The following UBAP2 variants were observed in gnomAD, a reference collection of about 807,000 sequenced individuals.
UBAP2 encodes ubiquitin associated protein 2.
UBAP2 carries 75 observed loss-of-function variants against 139.6 expected under a neutral mutation model. That is an observed-to-expected ratio of 0.54 (90% CI 0.45 to 0.65). UBAP2 has a LOEUF of 0.65. UBAP2 is among the 30% of genes least tolerant of loss of function. UBAP2 has a pLI of 0.00. For missense variants in UBAP2, 1,368 were observed against 1,369.6 expected, an observed-to-expected ratio of 1.00 and a Z score of 0.02; for synonymous variants, 526 against 526.2, an observed-to-expected ratio of 1.00 and a Z score of 0.01.
intron 20 of UBAP2, among the ~76,000 whole-genome samples, chr9:33,927,596 A>C (rs1823560838): frequency 6.6e-6 from 1 of 152,204 alleles, no homozygotes; most frequent in Non-Finnish European, 1.5e-5. Context: ...GAAAAGCTAG[A>C]AGCACGCAGA....
intron 1 of UBAP2, among the ~76,000 whole-genome samples, chr9:34,026,804 C>T (rs1447905167): frequency 6.6e-6 from 1 of 152,198 alleles, no homozygotes; most frequent in Non-Finnish European, 1.5e-5. Context: ...AGGCAGTATT[C>T]AAACCCAGGA....
At chr9:34,032,916 CAA>C (rs71506153) in intron 1 of UBAP2, among the ~76,000 whole-genome samples, 83 of 118,012 alleles carry the variant, frequency 7.0e-4, no homozygotes, top group Admixed American at 8.0e-4. Flanking sequence ...ACCCTGTCTT[CAA>C]AAAAAAAAAA....
intron 26 of UBAP2, 43 bp downstream of exon 26, chr9:33,923,143 C>G: frequency 6.2e-7 from 1 of 1,612,456 alleles, no homozygotes; most frequent in Non-Finnish European, 8.5e-7. Flanking sequence ...GGCAGGAGCC[C>G]ACCACTCCAG....
chr9:33,971,116 A>G (rs924578119), intron 8 of UBAP2, among the ~76,000 whole-genome samples: 8 of 152,132 alleles, frequency 5.3e-5, no homozygotes, highest in East Asian at 1.9e-4. Flanking sequence ...TTATGTTTCT[A>G]TAAGTATAAT....
At chr9:34,023,855 TA>T (rs1422102228) in intron 1 of UBAP2, among the ~76,000 whole-genome samples, 12 of 151,678 alleles carry the variant, frequency 7.9e-5, no homozygotes, top group Admixed American at 7.9e-4. Context: ...CCATCCTGGC[TA>T]ATAAGGTGAA....
At chr9:33,936,951 A>C (rs1160040552) in intron 16 of UBAP2, among the ~76,000 whole-genome samples, 1 of 133,162 alleles carries the variant, frequency 7.5e-6, no homozygotes, top group Non-Finnish European at 1.6e-5. Context: ...AAAAAAAAAA[A>C]ACAGTCTGAA....
chr9:34,037,209 C>G (rs534880221), intron 1 of UBAP2, among the ~76,000 whole-genome samples: 1 of 152,076 alleles, frequency 6.6e-6, no homozygotes, highest in South Asian at 2.1e-4. Context: ...AGGATGGTCT[C>G]GATCTCCTGA....
At chr9:33,990,350 A>G (rs1409811967) in intron 4 of UBAP2, among the ~76,000 whole-genome samples, 2 of 152,216 alleles carry the variant, frequency 1.3e-5, no homozygotes, top group African/African-American at 2.4e-5. Context: ...AATTTGGGTG[A>G]TAAGTTGAAT....
At chr9:33,939,620 AT>A (rs1043346567) in intron 16 of UBAP2, among the ~76,000 whole-genome samples, 3 of 148,006 alleles carry the variant, frequency 2.0e-5, no homozygotes, top group Admixed American at 1.4e-4. Context: ...GTATGGTGGC[AT>A]GTGTCTGCAG....
intron 1 of UBAP2, among the ~76,000 whole-genome samples, chr9:34,034,855 A>AG (rs1309694395): frequency 1.4e-5 from 2 of 147,270 alleles, no homozygotes; most frequent in Admixed American, 7.1e-5. Context: ...CCTGGGAAAC[A>AG]GCGAGACTCA....
intron 12 of UBAP2, among the ~76,000 whole-genome samples, chr9:33,951,828 T>C (rs781549787): frequency 1.1e-4 from 17 of 152,116 alleles, no homozygotes; most frequent in African/African-American, 2.7e-4. Flanking sequence ...TGGACACACA[T>C]AGATTTCAGC....
At chr9:33,983,460 G>A (rs113398133) in intron 6 of UBAP2, among the ~76,000 whole-genome samples, 2 of 152,152 alleles carry the variant, frequency 1.3e-5, no homozygotes, top group African/African-American at 4.8e-5. Flanking sequence ...AGGGGAAGAA[G>A]CTGGGTTACT....
Position 33,981,837 on chromosome 9 carries a change from A to AG in UBAP2, c.520+4922dup, listed in dbSNP as rs1435914167. ...AAGGGGGGAAGCGGGGAAGGAGGGA[A>AG]GGGGGGAAAGGGAGGGAGGGAAGGA... On this transcript the variant is annotated intron_variant, in intron 6 of 28. Transcript: ENST00000379238. Among the ~76,000 whole-genome samples, 9 of 78,726 alleles carry AG rather than the reference A, an allele frequency of 1.1e-4. No individual in the cohort carries two copies. The South Asian group carries it at 4.3e-3, about 38-fold the overall frequency. 51.6% of individuals were successfully genotyped at this position (78,726 alleles called of 152,430 possible).
intron 4 of UBAP2, among the ~76,000 whole-genome samples, chr9:33,990,637 A>ATTTTC (rs374002146): frequency 7.5e-6 from 1 of 132,630 alleles, no homozygotes; most frequent in Non-Finnish European, 1.5e-5. Context: ...GTACCCCCCA[A>ATTTTC]TTTTTTTTTT....
At chr9:34,034,291 T>C (rs1322136098) in intron 1 of UBAP2, among the ~76,000 whole-genome samples, 1 of 152,240 alleles carries the variant, frequency 6.6e-6, no homozygotes, top group East Asian at 1.9e-4. Context: ...TCTTCAACTT[T>C]CCTCATGAAT....
chr9:33,995,299 G>T (rs1242744312), intron 4 of UBAP2: 3 of 150,550 alleles, frequency 2.0e-5, no homozygotes, highest in African/African-American at 7.3e-5. Flanking sequence ...GGAGGTTGCA[G>T]TGAGTCAAGA....
At chr9:33,933,312 A>T (rs528483811) in intron 18 of UBAP2, among the ~76,000 whole-genome samples, 178 bp downstream of exon 18, 1 of 152,294 alleles carries the variant, frequency 6.6e-6, no homozygotes, top group East Asian at 1.9e-4. Context: ...CAAGGTTTCC[A>T]TATCTGGTGG....
At position 33,923,410 on chromosome 9, in the gene UBAP2, G is replaced by A. The variant is rs774664258; in HGVS notation, c.2865C>T (p.Ala955=). ...LSTPTPPFQQ[A]SGYGQHGYST... is the part of the protein sequence containing the mutation. Reference sequence around the variant, plus strand: ...TGTAGCCGTGCTGGCCATAACCACTGGCCTGCTGGAAGGGAGGTGTGGGAG... The same window carrying A: ...TGTAGCCGTGCTGGCCATAACCACTAGCCTGCTGGAAGGGAGGTGTGGGAG... The change falls in exon 25 of 29, where the codon GCC becomes GCT. Residue 955 remains alanine (A), a synonymous_variant. Coordinates refer to ENST00000379238, the MANE Select transcript of UBAP2 (RefSeq NM_001370062.2). The A allele has an allele frequency of 1.5e-5, 25 of 1,614,020 alleles. No homozygotes were observed. The highest frequency in any genetic ancestry group is 5.0e-5 in the Admixed American group (3 of 59,996).
At chr9:33,926,898 G>C (rs375469636) in intron 21 of UBAP2, 91 bp downstream of exon 21, 2 of 1,329,824 alleles carry the variant, frequency 1.5e-6, no homozygotes, top group Middle Eastern at 2.0e-4. Context: ...GCTCAAGGTG[G>C]GCAACCTGGG....
Sources: allele counts gnomAD v4.1 joint callset (sites outside exome capture counted in the v4.1 genomes callset), GRCh38; gene constraint gnomAD v4.1.1; transcripts MANE v1.5; gene names NCBI Gene and HGNC (gene_info 2026-07-23, HGNC 2026-07-21).